RFC3: variants seen among roughly 807,000 people sequenced by gnomAD.
RFC3 encodes the protein A1 38 kDa subunit.
Under a neutral mutation model 45.1 loss-of-function variants are expected in RFC3, and 41 were observed. The ratio of observed to expected loss-of-function variants is 0.91; its 90% confidence interval spans 0.71 to 1.18. RFC3 has a LOEUF of 1.18. Among genes scored for constraint, RFC3 ranks in the 50% most tolerant of loss-of-function variants. The probability of loss-of-function intolerance (pLI) is 0.00; values close to 1 mark genes in which losing one functional copy is unlikely to be tolerated. For missense variants in RFC3, 423 were observed against 428.1 expected (o/e 0.99, Z 0.10); for synonymous variants, 149 against 144.0 (o/e 1.03, Z -0.25).
At chr13:33,868,504 G>T (rs111311581) in intron 8 of RFC3, among the ~76,000 whole-genome samples, 1 of 152,206 alleles carries the variant, frequency 6.6e-6, no homozygotes. Flanking sequence ...AACCAATCAG[G>T]CTGGTCATGG....
intron 8 of RFC3, among the ~76,000 whole-genome samples, chr13:33,925,008 G>C (rs1451447091): frequency 6.7e-6 from 1 of 149,154 alleles, no homozygotes; most frequent in African/African-American, 2.5e-5. Context: ...CTTAATTGTG[G>C]TAATCATTTC....
intron 8 of RFC3, among the ~76,000 whole-genome samples, chr13:33,940,337 A>G (rs1205327572): frequency 1.3e-5 from 2 of 152,322 alleles, no homozygotes; most frequent in African/African-American, 4.8e-5. Context: ...TTCTTGATCC[A>G]TGGAACAATT....
chr13:33,896,051 G>A (rs2082595960), intron 8 of RFC3, among the ~76,000 whole-genome samples: 1 of 151,714 alleles, frequency 6.6e-6, no homozygotes, highest in South Asian at 2.1e-4. Context: ...TACATATTGG[G>A]TACAAGGTAC....
chr13:33,851,731 A>G (rs1466483676), intron 8 of RFC3, among the ~76,000 whole-genome samples: 1 of 152,112 alleles, frequency 6.6e-6, no homozygotes, highest in Non-Finnish European at 1.5e-5. Context: ...AACAGTGACT[A>G]TTTTTTGTGT....
chr13:33,905,729 T>C (rs921093619), intron 8 of RFC3, among the ~76,000 whole-genome samples: 2 of 152,078 alleles, frequency 1.3e-5, no homozygotes, highest in Non-Finnish European at 2.9e-5. Flanking sequence ...AGTGACTATA[T>C]TAATATTGAA....
chr13:33,896,591 G>C (rs1471782690), intron 8 of RFC3, among the ~76,000 whole-genome samples: 1 of 151,138 alleles, frequency 6.6e-6, no homozygotes, highest in Non-Finnish European at 1.5e-5. Context: ...AGGAGTGGTG[G>C]TCCCCAGTTA....
the RFC3 span, among the ~76,000 whole-genome samples, chr13:33,973,691 C>T: frequency 6.7e-6 from 1 of 149,464 alleles, no homozygotes; most frequent in Non-Finnish European, 1.5e-5. Flanking sequence ...CACTCTGTTG[C>T]CCAGGCTGGA....
intron 8 of RFC3, among the ~76,000 whole-genome samples, chr13:33,909,917 G>C (rs1417823510): frequency 2.6e-5 from 4 of 152,094 alleles, no homozygotes; most frequent in African/African-American, 9.7e-5. Context: ...GTAGGAGGAA[G>C]ACAGAGGTCT....
At chr13:33,854,665 G>A (rs1391777671) in intron 8 of RFC3, among the ~76,000 whole-genome samples, 6 of 152,088 alleles carry the variant, frequency 3.9e-5, no homozygotes. Flanking sequence ...GATGGTGCAG[G>A]TGTGGCATGG....
In RFC3 at chr13:33,836,845, G is replaced by T; in HGVS notation, c.*550G>T. 1.0e-6 allele frequency: 1 copy of T among 985,574 alleles called. No individual in the cohort carries two copies. Among genetic ancestry groups the T allele is most frequent in the Non-Finnish European group, 1.2e-6 (1 of 830,016 alleles). The allele number at this position is 985,574 out of a possible 1,614,324, so 61.1% of individuals were successfully genotyped here. A position where few individuals can be genotyped will look rare whatever the true frequency, so the allele number is the denominator to read the frequency against. ...CAGATTTCCAACTTTTATTTCAGTG[G>T]TTCAGATTAGTATTAGGTCGGTACT... On this transcript the variant is annotated 3_prime_UTR_variant, in exon 9 of 9. Coordinates refer to ENST00000380071, the MANE Select transcript of RFC3 (RefSeq NM_002915.4).
intron 8 of RFC3, among the ~76,000 whole-genome samples, chr13:33,898,684 T>TA (rs2082617544): frequency 6.6e-6 from 1 of 151,522 alleles, no homozygotes; most frequent in South Asian, 2.1e-4. Flanking sequence ...AAGTTGGGAC[T>TA]AAAAAAATAA....
At chr13:33,866,225 C>T (rs770604475) in intron 8 of RFC3, among the ~76,000 whole-genome samples, 5 of 152,150 alleles carry the variant, frequency 3.3e-5, no homozygotes, top group African/African-American at 4.8e-5. Context: ...TTGAGGTGAG[C>T]ACCTTTGAGA....
chr13:33,952,012 T>G (rs780052235), intron 8 of RFC3, among the ~76,000 whole-genome samples: 2 of 152,256 alleles, frequency 1.3e-5, no homozygotes, highest in Non-Finnish European at 2.9e-5. Flanking sequence ...TTACATATGT[T>G]GTAAACACTC....
At position 33,906,784 on chromosome 13, in the gene RFC3, A is replaced by G. The variant is rs17080129; in HGVS notation, c.880-59303A>G. 7.6e-3 allele frequency among the ~76,000 whole-genome samples: 1,156 copies of G among 152,210 alleles called. 17 individuals are homozygous for G. Among genetic ancestry groups the G allele is most frequent in the African/African-American group, 0.027 (1,112 of 41,552 alleles). ...TGGTCTGTAGTGAGGGCCAAATGGT[A>G]TTAAAATTTGTTCTTCCTTGTCATT... is the stretch of plus-strand genomic sequence containing the variant. On this transcript the variant is annotated intron_variant, in intron 8 of 8. Transcript: ENST00000434425.
intron 8 of RFC3, among the ~76,000 whole-genome samples, chr13:33,964,637 C>G (rs2137875278): frequency 6.6e-6 from 1 of 152,314 alleles, no homozygotes; most frequent in South Asian, 2.1e-4. Flanking sequence ...CAATCTTTTA[C>G]ATTTTTACCA....
chr13:33,942,375 G>A (rs2082930223), intron 8 of RFC3, among the ~76,000 whole-genome samples: 1 of 151,984 alleles, frequency 6.6e-6, no homozygotes, highest in African/African-American at 2.4e-5. Flanking sequence ...CGGGGTACAT[G>A]CGATGCTTTG....
intron 8 of RFC3, among the ~76,000 whole-genome samples, chr13:33,878,565 A>G (rs1445699705): frequency 2.6e-5 from 4 of 152,158 alleles, no homozygotes; most frequent in Non-Finnish European, 2.9e-5. Flanking sequence ...AGGAATTCGA[A>G]TAGTTCAGTT....
At chr13:33,839,884 A>G (rs139968219), downstream of RFC3, among the ~76,000 whole-genome samples, 7 of 152,344 alleles carry the variant, frequency 4.6e-5, no homozygotes, top group East Asian at 1.3e-3. Context: ...GATGGTTTCA[A>G]AATACAAAAT....
At chr13:33,904,938 T>C (rs2082663159) in intron 8 of RFC3, among the ~76,000 whole-genome samples, 2 of 152,002 alleles carry the variant, frequency 1.3e-5, no homozygotes, top group Admixed American at 6.6e-5. Context: ...GGGATACGCA[T>C]TTAGCAAAAC....
Sources: gnomAD v4.1 joint callset for allele counts (sites outside exome capture counted in the v4.1 genomes callset) on GRCh38, gnomAD v4.1.1 for gene constraint, MANE v1.5 for transcripts, NCBI Gene and HGNC (gene_info 2026-07-23, HGNC 2026-07-21) for gene names.